Variants in DSCAM observed in about 807,000 individuals in gnomAD.
DSCAM encodes the protein DS cell adhesion molecule.
A neutral mutation model predicts 217.7 loss-of-function variants in DSCAM; 47 were observed. The observed-to-expected ratio is 0.22, with a 90% CI of 0.17 to 0.28. The LOEUF (loss-of-function observed/expected upper bound fraction) is 0.28. DSCAM is among the 10% of genes least tolerant of loss of function. The pLI, the probability that DSCAM is intolerant of heterozygous loss-of-function variation, is 1.00. For synonymous variants in DSCAM, 1,056 were observed against 1,015.3 expected (o/e 1.04, Z -0.76); for missense variants, 2,080 against 2,618.3 (o/e 0.79, Z 4.49).
intron 3 of DSCAM, among the ~76,000 whole-genome samples, chr21:40,404,068 T>G (rs1038488169): frequency 6.6e-6 from 1 of 152,198 alleles, no homozygotes. Flanking sequence ...GATGGACTGC[T>G]GTGTCCCTTG....
chr21:40,720,471 G>T (rs1277329395), intron 1 of DSCAM, among the ~76,000 whole-genome samples: 2 of 152,126 alleles, frequency 1.3e-5, no homozygotes, highest in Non-Finnish European at 2.9e-5. Flanking sequence ...TTATTAAAAT[G>T]TGCTCATATG....
intron 1 of DSCAM, among the ~76,000 whole-genome samples, chr21:40,728,964 G>A (rs547230708): frequency 3.0e-4 from 46 of 152,260 alleles, no homozygotes; most frequent in Middle Eastern, 3.4e-3. Context: ...GCATCTACAC[G>A]TGGCAATATT....
chr21:40,737,304 C>T (rs2091073748), intron 1 of DSCAM, among the ~76,000 whole-genome samples: 1 of 152,098 alleles, frequency 6.6e-6, no homozygotes, highest in Admixed American at 6.5e-5. Flanking sequence ...TAAGGAAATA[C>T]ATCAACATTT....
chr21:40,502,129 A>T (rs537084358), intron 3 of DSCAM, among the ~76,000 whole-genome samples: 17 of 152,304 alleles, frequency 1.1e-4, no homozygotes, highest in African/African-American at 4.1e-4. Context: ...TCATGTTTTA[A>T]AATTATTAAT....
Position 40,093,737 on chromosome 21 carries a change from G to A in DSCAM, c.3834C>T (p.Val1278=), listed in dbSNP as rs62237594. The change falls in exon 21 of 33, where the codon GTC becomes GTT. Residue 1278 remains valine (V), a synonymous_variant. Coordinates refer to ENST00000400454, the MANE Select transcript of DSCAM (RefSeq NM_001389.5). The part of the protein sequence containing the change: ...GRGNSSEIIT[V]EPLAKAPARI... The stretch of plus-strand genomic sequence containing the variant: ...ACTGCCTACCTTTTGCTAGTGGCTC[G>A]ACTGTGATGATTTCACTGCTGTTGC... 0.018 allele frequency: 29,152 copies of A among 1,596,108 alleles called. 310 individuals carry two copies. Among genetic ancestry groups the A allele is most frequent in the Non-Finnish European group, 0.022 (26,141 of 1,173,996 alleles).
intron 9 of DSCAM, among the ~76,000 whole-genome samples, chr21:40,299,768 G>A (rs1056701805): frequency 3.3e-5 from 5 of 151,918 alleles, no homozygotes; most frequent in African/African-American, 9.7e-5. Flanking sequence ...ATTATCCCTA[G>A]GGACAACAAA....
intron 3 of DSCAM, among the ~76,000 whole-genome samples, chr21:40,392,756 T>C (rs2075145376): frequency 6.6e-6 from 1 of 152,020 alleles, no homozygotes; most frequent in African/African-American, 2.4e-5. Context: ...ATGCTTCCCA[T>C]AAAGGACCAA....
At position 40,545,964 on chromosome 21, in the gene DSCAM, C is replaced by T. The variant is rs140251018; in HGVS notation, c.508+146846G>A. ...AACCTTGGTGGGTTTCCAGCCTTGG[C>T]GAGCCTTTGTTCCCTCCTCCACAAA... On this transcript the variant is annotated intron_variant, in intron 3 of 32. Coordinates refer to ENST00000400454, the MANE Select transcript of DSCAM (RefSeq NM_001389.5). Among the ~76,000 whole-genome samples the T allele has an allele frequency of 3.1e-3, 474 of 152,264 alleles. 1 individual carries two copies. The highest frequency in any genetic ancestry group is 5.4e-3 in the Non-Finnish European group (369 of 68,018).
At chr21:40,799,295 G>T in intron 1 of DSCAM, among the ~76,000 whole-genome samples, 1 of 152,064 alleles carries the variant, frequency 6.6e-6, no homozygotes, top group East Asian at 1.9e-4. Flanking sequence ...GGTAAATTGA[G>T]AGCTAACACA....
intron 3 of DSCAM, among the ~76,000 whole-genome samples, chr21:40,596,153 T>C (rs1051305223): frequency 6.6e-6 from 1 of 152,170 alleles, no homozygotes; most frequent in Non-Finnish European, 1.5e-5. Flanking sequence ...CCTAATATCG[T>C]CACATCAACA....
chr21:40,324,640 T>C (rs1601552165), intron 8 of DSCAM, among the ~76,000 whole-genome samples: 2 of 152,226 alleles, frequency 1.3e-5, no homozygotes, highest in East Asian at 3.9e-4. Context: ...AAACTTATGA[T>C]AATATCTATA....
intron 9 of DSCAM, among the ~76,000 whole-genome samples, chr21:40,301,099 C>T (rs567435033): frequency 1.6e-4 from 24 of 152,344 alleles, no homozygotes; most frequent in Admixed American, 1.6e-3. Flanking sequence ...TCACACTCTA[C>T]TTTCAAGGGA....
chr21:40,416,409 T>C (rs1395650920), intron 3 of DSCAM, among the ~76,000 whole-genome samples: 4 of 152,234 alleles, frequency 2.6e-5, no homozygotes, highest in African/African-American at 9.6e-5. Flanking sequence ...TTGCACTCTG[T>C]GCCTGGTAAG....
At chr21:40,187,025 C>T in intron 14 of DSCAM, 106 bp downstream of exon 14, 2 of 1,398,136 alleles carry the variant, frequency 1.4e-6, no homozygotes, top group Non-Finnish European at 9.7e-7. Flanking sequence ...GCCCTCTGAG[C>T]TCCTGTGAGC....
At chr21:40,029,185 T>C (rs946310559) in intron 32 of DSCAM, among the ~76,000 whole-genome samples, 1 of 71,800 alleles carries the variant, frequency 1.4e-5, no homozygotes, top group Admixed American at 1.5e-4. Flanking sequence ...TTGAGCCAGT[T>C]GCAAACCTTC....
intron 3 of DSCAM, among the ~76,000 whole-genome samples, chr21:40,624,310 A>T (rs1463150103): frequency 6.6e-6 from 1 of 152,250 alleles, no homozygotes; most frequent in Non-Finnish European, 1.5e-5. Context: ...GAGGAAATAG[A>T]TGAAAAAAGC....
At chr21:40,548,384 C>T (rs538039197) in intron 3 of DSCAM, among the ~76,000 whole-genome samples, 131 of 152,106 alleles carry the variant, frequency 8.6e-4, no homozygotes, top group Non-Finnish European at 1.5e-3. Flanking sequence ...TAAACCAGCT[C>T]ATCTTAAAGC....
chr21:40,410,788 A>G (rs1318626674), intron 3 of DSCAM, among the ~76,000 whole-genome samples: 1 of 151,848 alleles, frequency 6.6e-6, no homozygotes, highest in Non-Finnish European at 1.5e-5. Flanking sequence ...AAAGTAAGTA[A>G]AGTTGAGTCT....
chr21:40,080,669 T>C (rs1432359529), intron 24 of DSCAM, among the ~76,000 whole-genome samples: 1 of 152,228 alleles, frequency 6.6e-6, no homozygotes, highest in East Asian at 1.9e-4. Flanking sequence ...CATACATGCC[T>C]GAATCCTTGA....
Sources: allele counts gnomAD v4.1 joint callset (sites outside exome capture counted in the v4.1 genomes callset), GRCh38; gene constraint gnomAD v4.1.1; transcripts MANE v1.5; gene names NCBI Gene and HGNC (gene_info 2026-07-23, HGNC 2026-07-21).